Variants in DNTT observed in about 807,000 individuals in gnomAD.
DNTT encodes DNA nucleotidylexotransferase.
Under a neutral mutation model 60.9 loss-of-function variants are expected in DNTT, and 47 were observed. That is an observed-to-expected ratio of 0.77 (90% CI 0.61 to 0.98). DNTT has a LOEUF of 0.98. DNTT is among the 50% of genes least tolerant of loss of function. The pLI, the probability that DNTT is intolerant of heterozygous loss-of-function variation, is 0.00. For missense variants in DNTT, 665 were observed against 627.5 expected (o/e 1.06, Z -0.64); for synonymous variants, 224 against 221.2 (o/e 1.01, Z -0.11).
In DNTT at chr10:96,332,507, G is replaced by A. The variant is rs1845018961; in HGVS notation, c.1270G>A (p.Gly424Arg). 1.2e-6 allele frequency: 2 copies of A among 1,614,214 alleles called. No homozygotes were observed. The highest frequency in any genetic ancestry group is 1.7e-6 in the Non-Finnish European group (2 of 1,180,016). The part of the protein sequence containing the change: ...VDSDQSSWQE[G>R]KTWKAIRVDL... ...CAGTGACCAGTCCAGCTGGCAGGAA[G>A]GAAAGACCTGGAAGGCCATCCGTGT... The change falls in exon 9 of 11, where the codon GGA (glycine) becomes AGA (arginine). Residue 424 changes from glycine (G) to arginine (R), a missense_variant. By Grantham distance (125) the Gly-to-Arg change is moderately radical (BLOSUM62 -2). Coordinates refer to ENST00000371174, the MANE Select transcript of DNTT (RefSeq NM_004088.4).
chr10:96,304,760 G>T, intron 1 of DNTT, 60 bp downstream of exon 1: 2 of 1,537,700 alleles, frequency 1.3e-6, no homozygotes, highest in Non-Finnish European at 8.8e-7. Flanking sequence ...AGCTTCTTGG[G>T]AACCCAAGGA....
intron 6 of DNTT, among the ~76,000 whole-genome samples, chr10:96,326,919 A>T (rs1258770221): frequency 3.3e-5 from 5 of 152,188 alleles, no homozygotes; most frequent in Non-Finnish European, 5.9e-5. Context: ...GCTCTGTGGG[A>T]ACCACCAAGT....
chr10:96,328,333 G>A (rs1464294435), intron 7 of DNTT, among the ~76,000 whole-genome samples: 2 of 152,148 alleles, frequency 1.3e-5, no homozygotes, highest in East Asian at 3.8e-4. Context: ...TCAAATCTAA[G>A]ATAATGCCTT....
At chr10:96,322,037 T>C (rs1346734220) in intron 4 of DNTT, among the ~76,000 whole-genome samples, 3 of 152,052 alleles carry the variant, frequency 2.0e-5, no homozygotes, top group Non-Finnish European at 2.9e-5. Flanking sequence ...AGAGCAGTGG[T>C]GCGTTTGACA....
chr10:96,323,333 T>A (rs1254965639), intron 5 of DNTT, among the ~76,000 whole-genome samples: 1 of 152,076 alleles, frequency 6.6e-6, no homozygotes, highest in Non-Finnish European at 1.5e-5. Flanking sequence ...AATCCCATCA[T>A]GAGAGCCCCA....
chr10:96,337,261 G>A (rs1845083787), intron 10 of DNTT, among the ~76,000 whole-genome samples: 1 of 152,112 alleles, frequency 6.6e-6, no homozygotes, highest in African/African-American at 2.4e-5. Flanking sequence ...ATGCTCATTG[G>A]CCAGGCCTGG....
Position 96,336,939 on chromosome 10 carries a change from G to GAAAAAAA in DNTT, c.1443+965_1443+966insAAAAAAA, listed in dbSNP as rs1223826665. 4.4e-5 allele frequency among the ~76,000 whole-genome samples: 3 copies of GAAAAAAA among 68,278 alleles called. 1 individual carries two copies. The highest frequency in any genetic ancestry group is 1.0e-4 in the African/African-American group (3 of 29,074). The allele number at this position is 68,278 out of a possible 152,430, so 44.8% of individuals were successfully genotyped here. ...GGCAACAGAGTGAGACTCTGTGTCA[G>GAAAAAAA]GAAAAAAAAAAAAAAAAAAGTAATG... On this transcript the variant is annotated intron_variant, in intron 10 of 10. Coordinates refer to ENST00000371174, the MANE Select transcript of DNTT (RefSeq NM_004088.4).
chr10:96,337,458 G>A (rs909863888), intron 10 of DNTT, among the ~76,000 whole-genome samples: 1 of 152,254 alleles, frequency 6.6e-6, no homozygotes, highest in African/African-American at 2.4e-5. Context: ...TGGCAGGAAA[G>A]CCTCGGATGC....
intron 3 of DNTT, among the ~76,000 whole-genome samples, chr10:96,319,885 T>C (rs2133988391): frequency 6.6e-6 from 1 of 152,350 alleles, no homozygotes; most frequent in East Asian, 1.9e-4. Flanking sequence ...AGAAATTGGA[T>C]GGATCATATC....
At chr10:96,304,775 G>T in intron 1 of DNTT, 75 bp downstream of exon 1, 1 of 1,499,608 alleles carries the variant, frequency 6.7e-7, no homozygotes, top group Non-Finnish European at 9.0e-7. Context: ...CAAGGAACCT[G>T]TGTTTTCTTC....
chr10:96,336,106 C>A, intron 10 of DNTT, 132 bp downstream of exon 10: 1 of 871,388 alleles, frequency 1.1e-6, no homozygotes, highest in Non-Finnish European at 1.9e-6. Flanking sequence ...TCCAGTTCAT[C>A]ATAGTTGAGG....
intron 1 of DNTT, among the ~76,000 whole-genome samples, chr10:96,310,883 C>T (rs1287083911): frequency 1.3e-5 from 2 of 152,142 alleles, no homozygotes; most frequent in African/African-American, 4.8e-5. Flanking sequence ...TAATCAGCAA[C>T]ATAATAAATA....
Position 96,338,504 on chromosome 10 carries a change from C to G in DNTT, c.*280C>G, listed in dbSNP as rs1463093677. On this transcript the variant is annotated 3_prime_UTR_variant, in exon 11 of 11. Transcript: ENST00000371174. ...CTCATTCAGGGAAGCTCATCAAAGC[C>G]CACTTTGTTCGCAGTGTAGCTGAAA... 1 of 258,722 alleles carries G rather than the reference C, an allele frequency of 3.9e-6. No individual in the cohort carries two copies. The highest frequency in any genetic ancestry group is 2.2e-5 in the African/African-American group (1 of 45,054). The allele number at this position is 258,722 out of a possible 1,614,324, so 16.0% of individuals were successfully genotyped here.
chr10:96,328,273 T>C (rs1564873949), intron 7 of DNTT, among the ~76,000 whole-genome samples: 1 of 152,322 alleles, frequency 6.6e-6, no homozygotes, highest in East Asian at 1.9e-4. Context: ...TGGTGGCTTT[T>C]GGCCATCCTA....
chr10:96,332,381 T>C lies in DNTT; in HGVS notation c.1144T>C (p.Ser382Pro), dbSNP rs1845016874. The C allele has an allele frequency of 1.2e-6, 2 of 1,614,006 alleles. No homozygotes were observed. The highest frequency in any genetic ancestry group is 1.7e-5 in the Admixed American group (1 of 60,010). Residue 382 changes from serine (S) to proline (P), a missense_variant, in exon 9 of 11, where the codon TCA (serine) becomes CCA (proline). Coordinates refer to ENST00000371174, the MANE Select transcript of DNTT (RefSeq NM_004088.4). ...GLLLYYDLVE[S>P]TFEKLRLPSR... ...ACTTTTATATTATGACCTTGTGGAGTCAACATTTGAAAAGCTCAGGTTGCC... is the reference window on the plus strand; with the variant it reads ...ACTTTTATATTATGACCTTGTGGAGCCAACATTTGAAAAGCTCAGGTTGCC...
Position 96,304,523 on chromosome 10 carries a change from T to A in DNTT, c.26T>A (p.Leu9Ter). 6 of 1,613,958 alleles carry A rather than the reference T, an allele frequency of 3.7e-6. No homozygotes were observed. The highest frequency in any genetic ancestry group is 5.1e-6 in the Non-Finnish European group (6 of 1,180,008). Reference sequence around the variant, plus strand: ...ATGGATCCACCACGAGCGTCCCACTTGAGCCCTCGGAAGAAGAGACCCCGG... The same window carrying A: ...ATGGATCCACCACGAGCGTCCCACTAGAGCCCTCGGAAGAAGAGACCCCGG... MDPPRASH[L>*]SPRKKRPRQT... The change falls in exon 1 of 11, where the codon TTG becomes TAG. Residue 9 changes from leucine to a stop codon, truncating the protein, a stop_gained. Transcript: ENST00000371174. LOFTEE classifies it high-confidence loss of function.
chr10:96,317,927 A>G (rs1844807514), intron 1 of DNTT, among the ~76,000 whole-genome samples: 1 of 152,246 alleles, frequency 6.6e-6, no homozygotes. Context: ...ACTTTGGATC[A>G]TAATATAAAA....
chr10:96,332,234 G>A, intron 8 of DNTT, 117 bp from the exon 9 acceptor site: 2 of 1,460,538 alleles, frequency 1.4e-6, no homozygotes, highest in Non-Finnish European at 1.8e-6. Flanking sequence ...TTAATGCAAG[G>A]CCAAACACAT....
Position 96,319,324 on chromosome 10 carries a change from A to G in DNTT, c.441A>G (p.Val147=), listed in dbSNP as rs760485586. Residue 147 remains valine (V), a synonymous_variant, in exon 3 of 11, where the codon GTA becomes GTG. Transcript: ENST00000371174. ...PGPPKTPPIA[V]QKISQYACQR... Reference sequence around the variant, plus strand: ...CCCCGAAGACTCCACCAATTGCTGTACAAAAGATCTCCCAGTATGCGTGTC... The same window carrying G: ...CCCCGAAGACTCCACCAATTGCTGTGCAAAAGATCTCCCAGTATGCGTGTC... The G allele has an allele frequency of 6.2e-7, 1 of 1,613,954 alleles. No individual in the cohort carries two copies. The highest frequency in any genetic ancestry group is 1.1e-5 in the South Asian group (1 of 91,060).
Sources: gnomAD v4.1 joint callset for allele counts (sites outside exome capture counted in the v4.1 genomes callset) on GRCh38, gnomAD v4.1.1 for gene constraint, MANE v1.5 for transcripts, NCBI Gene and HGNC (gene_info 2026-07-23, HGNC 2026-07-21) for gene names.